Variants in FNTA observed in about 807,000 individuals in gnomAD.
The protein encoded by FNTA is protein farnesyltransferase/geranylgeranyltransferase type-1 subunit alpha.
A neutral mutation model predicts 55.2 loss-of-function variants in FNTA; 27 were observed. The ratio of observed to expected loss-of-function variants is 0.49; its 90% CI spans 0.36 to 0.67. FNTA has a LOEUF of 0.67. FNTA is among the 30% of genes least tolerant of loss of function. The pLI, the probability that FNTA is intolerant of heterozygous loss-of-function variation, is 0.00. For missense variants in FNTA, 422 were observed against 464.7 expected, an observed-to-expected ratio of 0.91 and a Z score of 0.85; for synonymous variants, 176 against 170.7, an observed-to-expected ratio of 1.03 and a Z score of -0.24.
Position 43,060,377 on chromosome 8 carries a change from T to C in FNTA, c.286+1200T>C, listed in dbSNP as rs1312352306. Among the ~76,000 whole-genome samples the C allele has an allele frequency of 2.6e-5, 4 of 152,324 alleles. 1 individual carries two copies. Among genetic ancestry groups the C allele is most frequent in the Non-Finnish European group, 2.9e-5 (2 of 68,020 alleles). On this transcript the variant is annotated intron_variant, in intron 2 of 8. Coordinates refer to ENST00000302279, the MANE Select transcript of FNTA (RefSeq NM_002027.3). Reference sequence around the variant, plus strand: ...GATAAATTAACCTTTTTGCAAGGTATAAAATTAACATTTTGGGCCAGGCGC... The same window carrying C: ...GATAAATTAACCTTTTTGCAAGGTACAAAATTAACATTTTGGGCCAGGCGC...
intron 3 of FNTA, 28 bp downstream of exon 3, chr8:43,064,243 C>T: frequency 7.5e-7 from 1 of 1,337,052 alleles, no homozygotes; most frequent in Non-Finnish European, 1.1e-6. Flanking sequence ...TCAGTATTCC[C>T]TGCTTAAATG....
chr8:43,069,845 T>C (rs1810746914), intron 4 of FNTA, among the ~76,000 whole-genome samples, 186 bp downstream of exon 4: 1 of 151,442 alleles, frequency 6.6e-6, no homozygotes, highest in South Asian at 2.1e-4. Context: ...GGTTTTGCCA[T>C]GTTGGCCAGG....
chr8:43,079,904 CT>C (rs917820545), intron 6 of FNTA: 1 of 154,794 alleles, frequency 6.5e-6, no homozygotes, highest in Admixed American at 6.5e-5. Flanking sequence ...GGGTTCAAGA[CT>C]TTAGAGGAAG....
At chr8:43,062,927 A>G (rs1432164960) in intron 2 of FNTA, among the ~76,000 whole-genome samples, 2 of 152,106 alleles carry the variant, frequency 1.3e-5, no homozygotes, top group South Asian at 2.1e-4. Context: ...TTAATATTCT[A>G]CTTGGCTGTA....
At chr8:43,080,504 A>G (rs933036984) in intron 6 of FNTA, 1 of 152,230 alleles carries the variant, frequency 6.6e-6, no homozygotes, top group Non-Finnish European at 1.5e-5. Flanking sequence ...TAGTGTAAAC[A>G]TAATTTATAT....
chr8:43,071,330 A>G (rs1352684424), intron 4 of FNTA, among the ~76,000 whole-genome samples: 3 of 152,142 alleles, frequency 2.0e-5, no homozygotes, highest in African/African-American at 4.8e-5. Context: ...GCCAAAGAAA[A>G]TTATAAAAAT....
At position 43,085,519 on chromosome 8, in the gene FNTA, A is replaced by G; in HGVS notation, c.*237A>G. 3 of 500,066 alleles carry G rather than the reference A, an allele frequency of 6.0e-6. No homozygotes were observed. Among genetic ancestry groups the G allele is most frequent in the Non-Finnish European group, 7.1e-6 (2 of 283,202 alleles). 31.0% of individuals were successfully genotyped at this position (500,066 alleles called of 1,614,324 possible). On this transcript the variant is annotated 3_prime_UTR_variant, in exon 9 of 9. Transcript: ENST00000302279. ...GGAGGAGGAAGAAAAAGTCCCATAA[A>G]GGAACTTTTGTAGTCTTATCAACAT...
Position 43,085,637 on chromosome 8 carries a change from A to T in FNTA, c.*355A>T, listed in dbSNP as rs1282687078. ...ACTGCAGGTCACTTGTATGTAATGG[A>T]TGTGAGGTAGCCGAAGTTTGGTTCA... On this transcript the variant is annotated 3_prime_UTR_variant, in exon 9 of 9. Transcript: ENST00000302279. 4.6e-6 allele frequency: 1 copy of T among 215,070 alleles called. No individual in the cohort carries two copies. Among genetic ancestry groups the T allele is most frequent in the Non-Finnish European group, 9.1e-6 (1 of 110,412 alleles). 13.3% of individuals were successfully genotyped at this position (215,070 alleles called of 1,614,324 possible). A position where few individuals can be genotyped will look rare whatever the true frequency, so the allele number is the denominator to read the frequency against.
chr8:43,076,082 C>T (rs1363507082), intron 5 of FNTA, among the ~76,000 whole-genome samples: 1 of 151,780 alleles, frequency 6.6e-6, no homozygotes, highest in Non-Finnish European at 1.5e-5. Context: ...CTTGCTCTGT[C>T]CCCCAGGCTT....
In FNTA at chr8:43,064,137, A is replaced by G. The variant is rs763226467; in HGVS notation, c.323A>G (p.Gln108Arg). 3 of 1,614,074 alleles carry G rather than the reference A, an allele frequency of 1.9e-6. No individual in the cohort carries two copies. The highest frequency in any genetic ancestry group is 2.5e-6 in the Non-Finnish European group (3 of 1,179,902). ...TATGATTACTTCCGAGCTGTCCTGC[A>G]GCGTGATGAAAGAAGTGAACGAGCT... ...DVYDYFRAVL[Q>R]RDERSERAFK... The change falls in exon 3 of 9, where the codon CAG becomes CGG. Residue 108 changes from glutamine to arginine, a missense_variant. Gln to Arg is a conservative substitution (Grantham distance 43). This residue lies in a region of FNTA where 262 missense variants were observed against 343.1 expected (regional missense o/e 0.76). Transcript: ENST00000302279.
intron 2 of FNTA, among the ~76,000 whole-genome samples, chr8:43,062,209 A>G (rs1554519397): frequency 6.7e-6 from 1 of 148,208 alleles, no homozygotes; most frequent in Non-Finnish European, 1.5e-5. Context: ...GTGTAAGATA[A>G]TGTATTATAT....
chr8:43,077,458 C>G, intron 6 of FNTA, 94 bp downstream of exon 6: 1 of 905,754 alleles, frequency 1.1e-6, no homozygotes, highest in East Asian at 2.6e-5. Flanking sequence ...CAAGATCCTA[C>G]CCCATGGAAC....
chr8:43,083,650 T>A (rs1811066752), intron 7 of FNTA, among the ~76,000 whole-genome samples: 1 of 152,210 alleles, frequency 6.6e-6, no homozygotes, highest in Admixed American at 6.5e-5. Flanking sequence ...AAGCTCCTTG[T>A]TGAACATAAG....
intron 5 of FNTA, chr8:43,076,996 CTT>C (rs36093358): frequency 2.7e-6 from 1 of 367,584 alleles, no homozygotes; most frequent in African/African-American, 2.1e-5. Flanking sequence ...TCTTGGATGT[CTT>C]TTTTCCTGCT....
At chr8:43,059,361 A>G (rs1310694944) in intron 2 of FNTA, among the ~76,000 whole-genome samples, 184 bp downstream of exon 2, 3 of 152,134 alleles carry the variant, frequency 2.0e-5, no homozygotes, top group Non-Finnish European at 4.4e-5. Flanking sequence ...TAAAAGTTTT[A>G]TTTTGCCCAA....
chr8:43,063,872 C>T (rs1434428361), intron 2 of FNTA, among the ~76,000 whole-genome samples: 1 of 152,184 alleles, frequency 6.6e-6, no homozygotes, highest in Admixed American at 6.5e-5. Context: ...AACTCATGCA[C>T]ACACGTAAGC....
chr8:43,066,781 C>T (rs915962912), intron 3 of FNTA, among the ~76,000 whole-genome samples: 5 of 152,110 alleles, frequency 3.3e-5, no homozygotes, highest in Non-Finnish European at 7.4e-5. Context: ...TGAAGGGCTT[C>T]GCTGTGAAGT....
At chr8:43,062,473 G>T (rs543990311) in intron 2 of FNTA, among the ~76,000 whole-genome samples, 22 of 151,848 alleles carry the variant, frequency 1.4e-4, no homozygotes, top group African/African-American at 5.3e-4. Context: ...GTAGAGATGG[G>T]GTTTCACCAT....
intron 6 of FNTA, 46 bp from the exon 7 acceptor site, chr8:43,083,072 C>A: frequency 2.6e-6 from 3 of 1,151,952 alleles, no homozygotes; most frequent in South Asian, 1.4e-5. Context: ...TGTGTCTCAT[C>A]ATTGCACTGT....
Sources: gnomAD v4.1 joint callset for allele counts (sites outside exome capture counted in the v4.1 genomes callset) on GRCh38, gnomAD v4.1.1 for gene constraint, gnomAD v4.1.1 regional missense constraint, MANE v1.5 for transcripts, NCBI Gene and HGNC (gene_info 2026-07-23, HGNC 2026-07-21) for gene names.